The following CACNB2 variants were observed in gnomAD, a reference collection of about 807,000 sequenced individuals.
The protein encoded by CACNB2 is calcium voltage-gated channel auxiliary subunit beta 2.
Under a neutral mutation model 73.3 loss-of-function variants are expected in CACNB2, and 42 were observed. That is an observed-to-expected ratio of 0.57 (90% CI 0.45 to 0.74). The LOEUF (loss-of-function observed/expected upper bound fraction) is 0.74, where lower values mean the gene tolerates loss of function less well. CACNB2 is among the 30% of genes least tolerant of loss of function. CACNB2 has a pLI of 0.00. For synonymous variants in CACNB2, 348 were observed against 310.3 expected (o/e 1.12, Z -1.28); for missense variants, 940 against 853.0 (o/e 1.10, Z -1.27).
At chr10:18,226,912 C>A (rs1240679465) in intron 2 of CACNB2, among the ~76,000 whole-genome samples, 1 of 151,974 alleles carries the variant, frequency 6.6e-6, no homozygotes, top group African/African-American at 2.4e-5. Flanking sequence ...ACTATCCAGC[C>A]TGGGAATATG....
intron 3 of CACNB2, among the ~76,000 whole-genome samples, chr10:18,411,201 C>T (rs943242411): frequency 6.6e-6 from 1 of 152,042 alleles, no homozygotes; most frequent in African/African-American, 2.4e-5. Flanking sequence ...AATTTCTAGC[C>T]GCATGCGTTT....
chr10:18,539,564 G>C lies in CACNB2; in HGVS notation c.1823G>C (p.Arg608Pro). 6 of 1,613,782 alleles carry C rather than the reference G, an allele frequency of 3.7e-6. No individual in the cohort carries two copies. Among genetic ancestry groups the C allele is most frequent in the Non-Finnish European group, 5.1e-6 (6 of 1,179,976 alleles). ...CACAGACACAGGGAGTCCCGGCACC[G>C]TTCCCGGGACGTGGATCGAGAGCAG... ...SDHRHRESRH[R>P]SRDVDREQDH... Residue 608 changes from arginine (R) to proline (P), a missense_variant, in exon 14 of 14, where the codon CGT (arginine) becomes CCT (proline). Coordinates refer to ENST00000324631, the MANE Select transcript of CACNB2 (RefSeq NM_201596.3).
chr10:18,372,816 G>C (rs975819599), intron 2 of CACNB2, among the ~76,000 whole-genome samples: 2 of 152,142 alleles, frequency 1.3e-5, no homozygotes, highest in African/African-American at 4.8e-5. Context: ...TGCTTTGTAA[G>C]GTCGCTGAAG....
intron 2 of CACNB2, among the ~76,000 whole-genome samples, chr10:18,231,715 T>C (rs2036232716): frequency 1.3e-5 from 2 of 152,174 alleles, no homozygotes; most frequent in South Asian, 4.1e-4. Flanking sequence ...GATTCAGGGG[T>C]AAAGCATGCT....
intron 2 of CACNB2, among the ~76,000 whole-genome samples, chr10:18,201,997 GC>G (rs777199924): frequency 1.3e-5 from 2 of 152,148 alleles, no homozygotes; most frequent in Non-Finnish European, 2.9e-5. Flanking sequence ...TCATTATGTA[GC>G]CAGGAAGAAA....
intron 2 of CACNB2, among the ~76,000 whole-genome samples, chr10:18,299,206 T>G (rs1179789527): frequency 1.3e-5 from 2 of 152,232 alleles, no homozygotes; most frequent in Non-Finnish European, 2.9e-5. Context: ...TCGCATATAA[T>G]GCCTCTTGCC....
chr10:18,534,302 T>G (rs2053345600), intron 11 of CACNB2, 75 bp downstream of exon 11: 1 of 1,282,864 alleles, frequency 7.8e-7, no homozygotes, highest in Admixed American at 1.7e-5. Flanking sequence ...TTTCTATAAT[T>G]AGGCTATTGT....
At chr10:18,168,497 T>TGTGTGTG (rs2033017075) in intron 2 of CACNB2, among the ~76,000 whole-genome samples, 1 of 149,822 alleles carries the variant, frequency 6.7e-6, no homozygotes, top group Non-Finnish European at 1.5e-5. Context: ...TCTTCCTTCT[T>TGTGTGTG]TGTGTGTGTG....
Position 18,476,098 on chromosome 10 carries a change from T to A in CACNB2, c.334-22257T>A, listed in dbSNP as rs564964581. 2.4e-4 allele frequency among the ~76,000 whole-genome samples: 37 copies of A among 152,334 alleles called. No individual in the cohort carries two copies. The South Asian group carries it at 7.5e-3, about 31-fold the overall frequency. Reference sequence around the variant, plus strand: ...ATATACTAAACAAGCAGTGGATTGTTCATGAGTTTTCCAGGAAAGGTGTGG... The same window carrying A: ...ATATACTAAACAAGCAGTGGATTGTACATGAGTTTTCCAGGAAAGGTGTGG... On this transcript the variant is annotated intron_variant, in intron 3 of 13. Coordinates refer to ENST00000324631, the MANE Select transcript of CACNB2 (RefSeq NM_201596.3).
intron 2 of CACNB2, among the ~76,000 whole-genome samples, chr10:18,363,594 A>C (rs1316621184): frequency 6.6e-6 from 1 of 152,194 alleles, no homozygotes; most frequent in Non-Finnish European, 1.5e-5. Flanking sequence ...CTATTCTAGT[A>C]AGCTCAAAGC....
intron 3 of CACNB2, among the ~76,000 whole-genome samples, chr10:18,441,522 A>G (rs1465949458): frequency 2.0e-5 from 3 of 152,104 alleles, no homozygotes; most frequent in Non-Finnish European, 4.4e-5. Flanking sequence ...TTTTGTTACT[A>G]CAAAATTTCC....
intron 2 of CACNB2, among the ~76,000 whole-genome samples, chr10:18,386,137 T>C (rs2043220479): frequency 6.6e-6 from 1 of 152,134 alleles, no homozygotes; most frequent in Non-Finnish European, 1.5e-5. Context: ...TTAAAACTAG[T>C]GTTGTCTTTG....
intron 2 of CACNB2, among the ~76,000 whole-genome samples, chr10:18,200,405 A>G (rs892907424): frequency 2.0e-5 from 3 of 152,110 alleles, no homozygotes; most frequent in African/African-American, 4.8e-5. Context: ...CTTATGACTT[A>G]CATGAATTGG....
At position 18,542,629 on chromosome 10, in the gene CACNB2, T is replaced by C. The variant is rs1390650695; in HGVS notation, c.*2905T>C. On this transcript the variant is annotated 3_prime_UTR_variant, in exon 14 of 14. Transcript: ENST00000324631. ...GAACATATTAGTGCAAATCAGAATA[T>C]TCCTCAAAGAACTAGCTTGAAGGAT... The C allele has an allele frequency of 1.3e-5, 2 of 152,224 alleles. No homozygotes were observed. Among genetic ancestry groups the C allele is most frequent in the Non-Finnish European group, 1.5e-5 (1 of 68,046 alleles). 9.4% of individuals were successfully genotyped at this position (152,224 alleles called of 1,614,324 possible).
At chr10:18,234,773 A>G (rs2036366494) in intron 2 of CACNB2, among the ~76,000 whole-genome samples, 1 of 152,186 alleles carries the variant, frequency 6.6e-6, no homozygotes, top group Non-Finnish European at 1.5e-5. Flanking sequence ...GGATGCTGAA[A>G]AGTCCTGGAG....
At chr10:18,469,431 A>T (rs944607540) in intron 3 of CACNB2, among the ~76,000 whole-genome samples, 1 of 152,016 alleles carries the variant, frequency 6.6e-6, no homozygotes. Context: ...ATCCCACTTG[A>T]TGTATTTAAT....
intron 3 of CACNB2, among the ~76,000 whole-genome samples, chr10:18,460,811 G>T (rs1240718953): frequency 6.6e-6 from 1 of 151,430 alleles, no homozygotes; most frequent in African/African-American, 2.4e-5. Context: ...GACCACTTGA[G>T]CGTGGGAGGT....
Position 18,356,942 on chromosome 10 carries a change from C to CTTTTTTTTTTTTTTT in CACNB2, c.214-44976_214-44962dup, listed in dbSNP as rs71402158. On this transcript the variant is annotated intron_variant, in intron 2 of 13. Transcript: ENST00000324631. ...ACTGTGCCTGGCCCAGACTCAATTTCTTTTTTTTTTTTTTTTTTTTGAGAC... is the reference window on the plus strand; with the variant it reads ...ACTGTGCCTGGCCCAGACTCAATTTCTTTTTTTTTTTTTTTTTTTTTTTTTTTTTTTTTTTGAGAC... 8.9e-5 allele frequency among the ~76,000 whole-genome samples: 9 copies of CTTTTTTTTTTTTTTT among 101,136 alleles called. 1 individual carries two copies. The highest frequency in any genetic ancestry group is 1.4e-4 in the Non-Finnish European group (7 of 49,184). 66.3% of individuals were successfully genotyped at this position (101,136 alleles called of 152,430 possible).
chr10:18,238,503 T>A (rs2131490526), intron 2 of CACNB2: 1 of 152,318 alleles, frequency 6.6e-6, no homozygotes, highest in East Asian at 1.9e-4. Context: ...ATTAATATGT[T>A]TTCCATCCAA....
Sources: allele counts gnomAD v4.1 joint callset (sites outside exome capture counted in the v4.1 genomes callset), GRCh38; gene constraint gnomAD v4.1.1; transcripts MANE v1.5; gene names NCBI Gene and HGNC (gene_info 2026-07-23, HGNC 2026-07-21).